Variants in LRP1B observed in about 807,000 individuals in gnomAD.
LRP1B encodes the protein low-density lipoprotein receptor-related protein 1B.
Under a neutral mutation model 556.6 loss-of-function variants are expected in LRP1B, and 217 were observed. That is an observed-to-expected ratio of 0.39 (90% CI 0.35 to 0.44). LRP1B has a LOEUF of 0.44. Ranked by LOEUF, LRP1B falls within the 20% of genes least tolerant of loss-of-function variation. The pLI, the probability that LRP1B is intolerant of heterozygous loss-of-function variation, is 1.00. For synonymous variants in LRP1B, 2,047 were observed against 1,865.8 expected (o/e 1.10, Z -2.50); for missense variants, 5,053 against 5,620.8 (o/e 0.90, Z 3.23).
chr2:141,452,422 G>C (rs2105025162), intron 3 of LRP1B, among the ~76,000 whole-genome samples: 1 of 152,266 alleles, frequency 6.6e-6, no homozygotes, highest in South Asian at 2.1e-4. Flanking sequence ...TAGAATATAT[G>C]TTTGCTACTG....
At chr2:140,415,608 A>G (rs1257842065) in intron 66 of LRP1B, among the ~76,000 whole-genome samples, 1 of 152,168 alleles carries the variant, frequency 6.6e-6, no homozygotes, top group African/African-American at 2.4e-5. Context: ...GGTTCCCCCA[A>G]TATATGGGGA....
intron 18 of LRP1B, among the ~76,000 whole-genome samples, chr2:140,979,265 C>T (rs376206295): frequency 1.3e-5 from 2 of 152,286 alleles, no homozygotes; most frequent in East Asian, 1.9e-4. Flanking sequence ...AGGCATGAAC[C>T]ACCACACCTG....
At chr2:141,571,636 A>G (rs1192961185) in intron 2 of LRP1B, among the ~76,000 whole-genome samples, 1 of 152,132 alleles carries the variant, frequency 6.6e-6, no homozygotes, top group African/African-American at 2.4e-5. Flanking sequence ...AACTATGTTG[A>G]GCCAAAGGAA....
In LRP1B at chr2:140,888,771, C is replaced by T. The variant is rs562915625; in HGVS notation, c.3767-2436G>A. 1.8e-3 allele frequency among the ~76,000 whole-genome samples: 274 copies of T among 151,944 alleles called. 1 individual carries two copies. Among genetic ancestry groups the T allele is most frequent in the African/African-American group, 6.0e-3 (247 of 41,508 alleles). Reference sequence around the variant, plus strand: ...CTGAGGTCAGGAGTTTGAGACCAGCCTGGCCAACATGGTGAAACCCCGTCT... The same window carrying T: ...CTGAGGTCAGGAGTTTGAGACCAGCTTGGCCAACATGGTGAAACCCCGTCT... On this transcript the variant is annotated intron_variant, in intron 23 of 90. Coordinates refer to ENST00000389484, the MANE Select transcript of LRP1B (RefSeq NM_018557.3).
intron 7 of LRP1B, among the ~76,000 whole-genome samples, chr2:141,103,790 ATATAT>A (rs1289309004): frequency 6.6e-6 from 1 of 151,610 alleles, no homozygotes; most frequent in Non-Finnish European, 1.5e-5. Context: ...TATATAATAG[ATATAT>A]TATAAACACT....
In LRP1B at chr2:140,547,419, C is replaced by T. The variant is rs147266923; in HGVS notation, c.7195-5448G>A. 3.6e-3 allele frequency among the ~76,000 whole-genome samples: 546 copies of T among 152,116 alleles called. 4 individuals are homozygous for T. Among genetic ancestry groups the T allele is most frequent in the African/African-American group, 0.013 (527 of 41,506 alleles). On this transcript the variant is annotated intron_variant, in intron 43 of 90. Coordinates refer to ENST00000389484, the MANE Select transcript of LRP1B (RefSeq NM_018557.3). ...GTCCAGGAATTAATCTATTTATTCT[C>T]GATTTTCTAGTGTGTGTGCACAGAG...
At chr2:140,673,447 T>C (rs1436421519) in intron 41 of LRP1B, among the ~76,000 whole-genome samples, 3 of 152,218 alleles carry the variant, frequency 2.0e-5, no homozygotes, top group Non-Finnish European at 4.4e-5. Context: ...TAATGACAGC[T>C]TATTTATAAT....
At chr2:140,477,682 A>T (rs544144184) in intron 59 of LRP1B, among the ~76,000 whole-genome samples, 1 of 152,302 alleles carries the variant, frequency 6.6e-6, no homozygotes, top group South Asian at 2.1e-4. Flanking sequence ...TTGTATTTTG[A>T]AATTTTTCAT....
intron 2 of LRP1B, among the ~76,000 whole-genome samples, chr2:141,714,021 C>G (rs1276735479): frequency 6.6e-6 from 1 of 152,162 alleles, no homozygotes; most frequent in African/African-American, 2.4e-5. Flanking sequence ...CTGAGTGCTA[C>G]AGTCTATTTC....
At chr2:140,304,312 C>T (rs550947990) in intron 83 of LRP1B, among the ~76,000 whole-genome samples, 22 of 152,244 alleles carry the variant, frequency 1.4e-4, no homozygotes, top group Non-Finnish European at 2.6e-4. Flanking sequence ...ACATCCTCTC[C>T]AGCACCTGTT....
rs1419947453 is a variant in LRP1B at position 140,850,320 on chromosome 2, T to C, written c.4721A>G (p.Lys1574Arg). 2 of 1,585,508 alleles carry C rather than the reference T, an allele frequency of 1.3e-6. No individual in the cohort carries two copies. The highest frequency in any genetic ancestry group is 1.7e-6 in the Non-Finnish European group (2 of 1,162,928). ...AGAACGTCTTGCATAAAGAAGAAATTTTTTCATTTCTAAAAAAGAAATAGA... is the reference window on the plus strand; with the variant it reads ...AGAACGTCTTGCATAAAGAAGAAATCTTTTCATTTCTAAAAAAGAAATAGA... Reference protein sequence around the residue: ...SDKKTCYEMKKFLLYARRSEI... With the variant: ...SDKKTCYEMKRFLLYARRSEI... Residue 1574 changes from lysine (K) to arginine (R), a missense_variant, in exon 29 of 91, where the codon AAA becomes AGA. By Grantham distance (26) the Lys-to-Arg change is conservative. Transcript: ENST00000389484.
chr2:141,010,143 C>T (rs1483342362), intron 14 of LRP1B, among the ~76,000 whole-genome samples: 1 of 151,994 alleles, frequency 6.6e-6, no homozygotes, highest in Non-Finnish European at 1.5e-5. Context: ...TAATAGGATA[C>T]ATTTAATCAA....
At chr2:141,410,803 G>T (rs1055055225) in intron 3 of LRP1B, among the ~76,000 whole-genome samples, 1 of 151,764 alleles carries the variant, frequency 6.6e-6, no homozygotes, top group Non-Finnish European at 1.5e-5. Flanking sequence ...CTCAAATTAG[G>T]TCATCATAGT....
chr2:141,851,885 C>G (rs1697870215), intron 1 of LRP1B, among the ~76,000 whole-genome samples: 1 of 151,666 alleles, frequency 6.6e-6, no homozygotes, highest in Non-Finnish European at 1.5e-5. Context: ...ATTCCCTGCT[C>G]TCAAGAGAGT....
intron 7 of LRP1B, among the ~76,000 whole-genome samples, chr2:141,121,784 T>A (rs530034798): frequency 5.9e-5 from 8 of 136,718 alleles, no homozygotes; most frequent in African/African-American, 2.1e-4. Context: ...AAAAGAGCCC[T>A]CATTGCCAAG....
rs759986287 is a variant in LRP1B, at chr2:140,297,927, T to A, written c.12848A>T (p.Asn4283Ile). ...ATCCTCACAGACTGTCTTACCACAGTTTGGCCCAGTGAAACCCAGTGCACA... is the reference window on the plus strand; with the variant it reads ...ATCCTCACAGACTGTCTTACCACAGATTGGCCCAGTGAAACCCAGTGCACA... Reference protein sequence around the residue: ...CSCALGFTGPNCGKTVCEDFC... With the variant: ...CSCALGFTGPICGKTVCEDFC... The change falls in exon 84 of 91, where the codon AAC (asparagine) becomes ATC (isoleucine). Residue 4283 changes from asparagine to isoleucine, a missense_variant. By Grantham distance (149) the Asn-to-Ile change is moderately radical. Transcript: ENST00000389484. The A allele has an allele frequency of 6.2e-7, 1 of 1,613,270 alleles. No individual in the cohort carries two copies. Among genetic ancestry groups the A allele is most frequent in the Non-Finnish European group, 8.5e-7 (1 of 1,179,380 alleles).
chr2:141,304,888 C>A (rs549766027), intron 3 of LRP1B, among the ~76,000 whole-genome samples: 1 of 152,054 alleles, frequency 6.6e-6, no homozygotes, highest in South Asian at 2.1e-4. Context: ...CTTCTTAGCA[C>A]CTTTGTCAAA....
intron 77 of LRP1B, among the ~76,000 whole-genome samples, chr2:140,341,934 A>G (rs1681413087): frequency 6.6e-6 from 1 of 151,272 alleles, no homozygotes; most frequent in Admixed American, 6.6e-5. Context: ...AACTTAATGA[A>G]CTCCAGGGAG....
intron 1 of LRP1B, among the ~76,000 whole-genome samples, chr2:142,079,901 C>T (rs1414372952): frequency 1.3e-5 from 2 of 152,256 alleles, no homozygotes; most frequent in Non-Finnish European, 2.9e-5. Context: ...TTTCAACAAG[C>T]ACATGAAATA....
Sources: allele counts gnomAD v4.1 joint callset (sites outside exome capture counted in the v4.1 genomes callset), GRCh38; gene constraint gnomAD v4.1.1; transcripts MANE v1.5; gene names NCBI Gene and HGNC (gene_info 2026-07-23, HGNC 2026-07-21).